The following GALNT7 variants were observed in gnomAD, a reference collection of about 807,000 sequenced individuals.
GALNT7 encodes the protein polypeptide N-acetylgalactosaminyltransferase 7, also known as N-acetylgalactosaminyltransferase 7.
GALNT7 carries 60 observed loss-of-function variants against 82.1 expected under a neutral mutation model. The observed-to-expected ratio is 0.73, with a 90% CI of 0.59 to 0.91. The LOEUF (loss-of-function observed/expected upper bound fraction) is 0.91. Among genes scored for constraint, GALNT7 ranks in the 40% least tolerant of loss-of-function variants. The probability of loss-of-function intolerance (pLI) is 0.00; values close to 1 mark genes in which losing one functional copy is unlikely to be tolerated. For missense variants in GALNT7, 660 were observed against 804.2 expected (o/e 0.82, Z 2.17); for synonymous variants, 243 against 275.1 (o/e 0.88, Z 1.15).
chr4:173,297,994 T>A (rs1173117628), intron 5 of GALNT7, 121 bp from the exon 6 acceptor site: 2 of 1,510,298 alleles, frequency 1.3e-6, no homozygotes, highest in Non-Finnish European at 1.8e-6. Flanking sequence ...ACTATTACTT[T>A]ATTTTCTTAT....
At chr4:173,290,921 C>T (rs1424285950) in intron 2 of GALNT7, among the ~76,000 whole-genome samples, 1 of 152,152 alleles carries the variant, frequency 6.6e-6, no homozygotes, top group East Asian at 1.9e-4. Context: ...AAATGGAGGT[C>T]CCTAGGACAG....
chr4:173,278,378 A>T (rs1404958113), intron 2 of GALNT7, among the ~76,000 whole-genome samples: 1 of 152,250 alleles, frequency 6.6e-6, no homozygotes, highest in Non-Finnish European at 1.5e-5. Flanking sequence ...TCAACCTCTC[A>T]GGGAAAACAC....
chr4:173,274,807 C>T (rs73001519), intron 2 of GALNT7, among the ~76,000 whole-genome samples: 240 of 152,242 alleles, frequency 1.6e-3, no homozygotes, highest in African/African-American at 5.5e-3. Context: ...AATTTTAACT[C>T]CCTCAAATTC....
In GALNT7 at chr4:173,292,026, T is replaced by C; in HGVS notation, c.588-82T>C. Reference sequence around the variant, plus strand: ...CCGTAGTTAAGTCGATAGTATGTAATCCAATCAGCAAATATAGTCAGCTTG... The same window carrying C: ...CCGTAGTTAAGTCGATAGTATGTAACCCAATCAGCAAATATAGTCAGCTTG... On this transcript the variant is annotated intron_variant, in intron 2 of 11. Coordinates refer to ENST00000265000, the MANE Select transcript of GALNT7 (RefSeq NM_017423.3). This position sits in a 1 kb window ranked among gnomAD's most constrained non-coding sequence, Gnocchi z 4.8. The C allele has an allele frequency of 1.2e-6, 1 of 854,772 alleles. No individual in the cohort carries two copies. Among genetic ancestry groups the C allele is most frequent in the Non-Finnish European group, 1.9e-6 (1 of 526,796 alleles). 52.9% of individuals were successfully genotyped at this position (854,772 alleles called of 1,614,324 possible). A position where few individuals can be genotyped will look rare whatever the true frequency, so the allele number is the denominator to read the frequency against.
intron 2 of GALNT7, among the ~76,000 whole-genome samples, chr4:173,283,180 C>T (rs957137569): frequency 1.1e-4 from 17 of 152,310 alleles, no homozygotes; most frequent in African/African-American, 4.1e-4. Context: ...CTCCAGTCCT[C>T]CTTTTTGTTA....
intron 2 of GALNT7, among the ~76,000 whole-genome samples, chr4:173,262,325 A>G (rs1027427602): frequency 6.6e-6 from 1 of 152,230 alleles, no homozygotes; most frequent in Non-Finnish European, 1.5e-5. Flanking sequence ...TCTGTCTTGC[A>G]CTTTAACAGG....
chr4:173,187,047 C>A (rs1732483141), intron 1 of GALNT7, among the ~76,000 whole-genome samples: 1 of 152,140 alleles, frequency 6.6e-6, no homozygotes, highest in Admixed American at 6.6e-5. Flanking sequence ...TGAGCCACCG[C>A]ACCCGGCCTA....
chr4:173,250,896 G>C (rs1232831817), intron 2 of GALNT7, among the ~76,000 whole-genome samples: 1 of 152,088 alleles, frequency 6.6e-6, no homozygotes, highest in Admixed American at 6.5e-5. Flanking sequence ...TGACGGGCTG[G>C]CTCCTTCCCA....
intron 1 of GALNT7, 160 bp downstream of exon 1, chr4:173,169,121 C>A: frequency 2.4e-6 from 1 of 423,138 alleles, no homozygotes; most frequent in South Asian, 1.1e-4. Flanking sequence ...GTGCCGAGCC[C>A]CGCGCACTCC....
chr4:173,237,142 C>G (rs1165334338), intron 1 of GALNT7, among the ~76,000 whole-genome samples: 2 of 152,160 alleles, frequency 1.3e-5, no homozygotes, highest in Admixed American at 1.3e-4. Flanking sequence ...AAATGTTGTT[C>G]TAGGCTTTAA....
intron 2 of GALNT7, chr4:173,268,193 T>A (rs891145770): frequency 6.5e-6 from 1 of 154,606 alleles, no homozygotes; most frequent in East Asian, 1.9e-4. Flanking sequence ...GTTTTTGCAA[T>A]TTTTTAATGA....
At chr4:173,245,653 A>G (rs924869453) in intron 1 of GALNT7, among the ~76,000 whole-genome samples, 1 of 152,226 alleles carries the variant, frequency 6.6e-6, no homozygotes, top group African/African-American at 2.4e-5. Context: ...ACAACATTTT[A>G]TAATGATATC....
At chr4:173,297,506 A>T (rs1396662617) in intron 5 of GALNT7, among the ~76,000 whole-genome samples, 1 of 152,186 alleles carries the variant, frequency 6.6e-6, no homozygotes, top group Non-Finnish European at 1.5e-5. Flanking sequence ...TACCAAAAGA[A>T]AGTTGCCTTT....
rs1294232127 is a variant in GALNT7, at chr4:173,183,041, TAAACACACACACACACAC to T, written c.126+14082_126+14099del. ...GCAGGTTACTCATAATCCACACACA[TAAACACACACACACACAC>T]ACACACACACACACACACACACACA... On this transcript the variant is annotated intron_variant, in intron 1 of 11. Coordinates refer to ENST00000265000, the MANE Select transcript of GALNT7 (RefSeq NM_017423.3). Among the ~76,000 whole-genome samples the T allele has an allele frequency of 4.9e-4, 20 of 40,736 alleles. No homozygotes were observed. In the Admixed American group the frequency reaches 5.1e-3, roughly 10 times the overall value. 26.7% of individuals were successfully genotyped at this position (40,736 alleles called of 152,430 possible).
chr4:173,226,570 C>G (rs916698454), intron 1 of GALNT7, among the ~76,000 whole-genome samples: 2 of 152,212 alleles, frequency 1.3e-5, no homozygotes. Flanking sequence ...TGACACTCAG[C>G]ATACATCCTT....
intron 1 of GALNT7, among the ~76,000 whole-genome samples, chr4:173,189,993 AG>A (rs956959515): frequency 5.7e-4 from 86 of 151,006 alleles, no homozygotes; most frequent in African/African-American, 1.8e-3. Flanking sequence ...CCAAAATGTT[AG>A]TTTTTTTTTT....
chr4:173,215,906 C>T (rs13113389), intron 1 of GALNT7, among the ~76,000 whole-genome samples: 4 of 152,030 alleles, frequency 2.6e-5, no homozygotes, highest in East Asian at 1.9e-4. Flanking sequence ...CCCAGGAGTT[C>T]GAGACCAGCC....
intron 1 of GALNT7, among the ~76,000 whole-genome samples, chr4:173,187,470 G>GA (rs1033028154): frequency 9.3e-5 from 14 of 151,184 alleles, no homozygotes; most frequent in East Asian, 2.0e-4. Context: ...ACCTGCCCTT[G>GA]AAAAAAACCA....
intron 1 of GALNT7, among the ~76,000 whole-genome samples, chr4:173,216,731 T>A (rs866173223): frequency 1.0e-4 from 7 of 66,906 alleles, no homozygotes; most frequent in African/African-American, 5.6e-4. Flanking sequence ...ATATATATTT[T>A]TTTTTTTTTT....
Sources: gnomAD v4.1 joint callset for allele counts (sites outside exome capture counted in the v4.1 genomes callset) on GRCh38, gnomAD v4.1.1 for gene constraint, Gnocchi (gnomAD v3.1) non-coding constraint, MANE v1.5 for transcripts, NCBI Gene and HGNC (gene_info 2026-07-23, HGNC 2026-07-21) for gene names.